The following SLCO1B3 variants were observed in gnomAD, a reference collection of about 807,000 sequenced individuals.
SLCO1B3 encodes the protein solute carrier organic anion transporter family member 1B3, also known as liver-specific organic anion transporter 2.
SLCO1B3 carries 72 observed loss-of-function variants against 71.8 expected under a neutral mutation model. The ratio of observed to expected loss-of-function variants is 1.00; its 90% CI spans 0.83 to 1.22. The LOEUF (loss-of-function observed/expected upper bound fraction) is 1.22. Among genes scored for constraint, SLCO1B3 ranks in the 50% most tolerant of loss-of-function variants. The pLI is 0.00. For synonymous variants in SLCO1B3, 298 were observed against 278.4 expected (o/e 1.07, Z -0.70); for missense variants, 911 against 819.7 (o/e 1.11, Z -1.36).
At chr12:20,817,475 A>G (rs1242454372) in intron 3 of SLCO1B3, among the ~76,000 whole-genome samples, 1 of 150,376 alleles carries the variant, frequency 6.6e-6, no homozygotes, top group Non-Finnish European at 1.5e-5. Flanking sequence ...ACCTTTGTCA[A>G]GAATAAGCTC....
chr12:20,898,598 A>G, intron 14 of SLCO1B3, 98 bp downstream of exon 14: 1 of 539,184 alleles, frequency 1.9e-6, no homozygotes, highest in Non-Finnish European at 3.2e-6. Context: ...AGACTGTATA[A>G]AAAAGAATAG....
intron 3 of SLCO1B3, among the ~76,000 whole-genome samples, chr12:20,832,355 TCA>T (rs1289167449): frequency 6.6e-6 from 1 of 152,176 alleles, no homozygotes. Context: ...TTATTTTCCC[TCA>T]GTTTTTTGTA....
chr12:20,916,144 C>A lies in SLCO1B3; in HGVS notation c.2006C>A (p.Ala669Glu). ...AATGAAAGAAAAGTAATGGATGAAG[C>A]AAACTTAGAATTCTTAAATAATGGT... ...SDNERKVMDE[A>E]NLEFLNNGEH... Residue 669 changes from alanine to glutamate, a missense_variant, in exon 16 of 16, where the codon GCA becomes GAA. Physicochemically the swap from Ala to Glu is moderately radical, Grantham distance 107. Transcript: ENST00000381545. The A allele has an allele frequency of 1.9e-6, 3 of 1,613,226 alleles. No homozygotes were observed. The highest frequency in any genetic ancestry group is 2.5e-6 in the Non-Finnish European group (3 of 1,179,400).
At chr12:20,849,321 C>T (rs1864976384) in intron 3 of SLCO1B3, among the ~76,000 whole-genome samples, 1 of 151,954 alleles carries the variant, frequency 6.6e-6, no homozygotes, top group African/African-American at 2.4e-5. Context: ...ACATGACCAT[C>T]TTACTAGATG....
intron 13 of SLCO1B3, among the ~76,000 whole-genome samples, chr12:20,898,076 T>C (rs1237034832): frequency 1.3e-5 from 2 of 152,182 alleles, no homozygotes; most frequent in African/African-American, 2.4e-5. Flanking sequence ...TAAAAGTATA[T>C]AATCCTTTAA....
At chr12:20,840,796 T>A (rs1864782029) in intron 3 of SLCO1B3, among the ~76,000 whole-genome samples, 1 of 152,196 alleles carries the variant, frequency 6.6e-6, no homozygotes, top group Admixed American at 6.5e-5. Flanking sequence ...TCAGTTAAGC[T>A]TAGATAACAC....
intron 15 of SLCO1B3, among the ~76,000 whole-genome samples, chr12:20,913,160 G>T (rs1170096813): frequency 1.3e-5 from 2 of 152,040 alleles, no homozygotes; most frequent in East Asian, 3.9e-4. Context: ...TGGTGAATCC[G>T]TGCATTTCTG....
At chr12:20,827,087 T>A (rs1864439265) in intron 3 of SLCO1B3, among the ~76,000 whole-genome samples, 4 of 152,166 alleles carry the variant, frequency 2.6e-5, no homozygotes, top group Admixed American at 2.6e-4. Context: ...AAGTTAGCTG[T>A]TTTATTAAGC....
At chr12:20,885,017 T>C in intron 13 of SLCO1B3, among the ~76,000 whole-genome samples, 1 of 152,170 alleles carries the variant, frequency 6.6e-6, no homozygotes, top group East Asian at 1.9e-4. Flanking sequence ...AATTTCATAC[T>C]AGTTTGCCTC....
At chr12:20,869,810 T>C (rs1464043224) in intron 8 of SLCO1B3, among the ~76,000 whole-genome samples, 1 of 152,192 alleles carries the variant, frequency 6.6e-6, no homozygotes, top group Non-Finnish European at 1.5e-5. Context: ...TGGAAATATC[T>C]CTGTGAGATC....
chr12:20,900,146 G>A (rs557985121), intron 14 of SLCO1B3, among the ~76,000 whole-genome samples: 2 of 152,050 alleles, frequency 1.3e-5, no homozygotes, highest in African/African-American at 4.8e-5. Context: ...TCTAAGGGTC[G>A]CTGTGATTTT....
In SLCO1B3 at chr12:20,877,833, G is replaced by C; in HGVS notation, c.1032G>C (p.Leu344Phe). The C allele has an allele frequency of 6.3e-7, 1 of 1,574,904 alleles. No individual in the cohort carries two copies. The highest frequency in any genetic ancestry group is 1.4e-5 in the African/African-American group (1 of 72,786). Residue 344 changes from leucine (L) to phenylalanine (F), a missense_variant, in exon 10 of 16, where the codon TTG becomes TTC. Leu to Phe is a conservative substitution (Grantham distance 22). Transcript: ENST00000381545. ...CCCTGTATGTTATATTTCTGCTTTT[G>C]ACATTGTTACAAGTAAGCAGCTTTA... is the stretch of plus-strand genomic sequence containing the variant. The part of the protein sequence containing the change: ...TNPLYVIFLL[L>F]TLLQVSSFIG...
chr12:20,840,814 T>C (rs1864782446), intron 3 of SLCO1B3, among the ~76,000 whole-genome samples: 1 of 152,172 alleles, frequency 6.6e-6, no homozygotes, highest in Non-Finnish European at 1.5e-5. Context: ...CACCAGAGCT[T>C]ATGAGGCTCC....
Position 20,861,012 on chromosome 12 carries a change from T to C in SLCO1B3, c.360-5T>C. On this transcript the variant is annotated splice_polypyrimidine_tract_variant and splice_region_variant and intron_variant, in intron 5 of 15. Coordinates refer to ENST00000381545, the MANE Select transcript of SLCO1B3 (RefSeq NM_019844.4). ...AAAATGTTCAATTTCATGTTGCTCT[T>C]ACAGTTATAGGTATTCTAAAGAAAC... 1 of 1,563,272 alleles carries C rather than the reference T, an allele frequency of 6.4e-7. No homozygotes were observed. The highest frequency in any genetic ancestry group is 8.7e-7 in the Non-Finnish European group (1 of 1,150,776).
intron 3 of SLCO1B3, among the ~76,000 whole-genome samples, chr12:20,826,153 T>G (rs1201540865): frequency 6.6e-6 from 1 of 151,970 alleles, no homozygotes; most frequent in Non-Finnish European, 1.5e-5. Flanking sequence ...AATTCTTGGT[T>G]TCATAGAACA....
chr12:20,898,571 A>G (rs1201029443), intron 14 of SLCO1B3, 71 bp downstream of exon 14: 3 of 698,344 alleles, frequency 4.3e-6, no homozygotes, highest in Middle Eastern at 4.1e-4. Context: ...ACTGAATGCA[A>G]TTAATTTTCA....
At chr12:20,911,567 T>C (rs1045476217) in intron 15 of SLCO1B3, among the ~76,000 whole-genome samples, 12 of 152,120 alleles carry the variant, frequency 7.9e-5, no homozygotes, top group African/African-American at 2.4e-4. Flanking sequence ...CCCATCTTGG[T>C]TTGGTGTTTT....
chr12:20,883,648 C>CA, intron 13 of SLCO1B3, 46 bp downstream of exon 13: 1 of 1,240,850 alleles, frequency 8.1e-7, no homozygotes, highest in East Asian at 2.8e-5. Context: ...TAGACTAAAA[C>CA]ACACCTAATG....
chr12:20,865,425 GT>G (rs1238595237), intron 8 of SLCO1B3, among the ~76,000 whole-genome samples: 3 of 151,982 alleles, frequency 2.0e-5, no homozygotes, highest in South Asian at 2.1e-4. Flanking sequence ...CATCAGTTAA[GT>G]TTGCTACAAA....
Sources: gnomAD v4.1 joint callset for allele counts (sites outside exome capture counted in the v4.1 genomes callset) on GRCh38, gnomAD v4.1.1 for gene constraint, MANE v1.5 for transcripts, NCBI Gene and HGNC (gene_info 2026-07-23, HGNC 2026-07-21) for gene names.